Variants in CLTCL1 observed in about 807,000 individuals in gnomAD.
CLTCL1 encodes clathrin heavy chain 2.
A neutral mutation model predicts 190.0 loss-of-function variants in CLTCL1; 159 were observed. That is an observed-to-expected ratio of 0.84 (90% confidence interval 0.74 to 0.95). The LOEUF is 0.95. CLTCL1 is among the 40% of genes least tolerant of loss of function. CLTCL1 has a pLI of 0.00. For synonymous variants in CLTCL1, 752 were observed against 769.6 expected, an observed-to-expected ratio of 0.98 and a Z score of 0.38; for missense variants, 1,878 against 2,033.4, an observed-to-expected ratio of 0.92 and a Z score of 1.47.
At chr22:19,272,944 CTT>C (rs2087371839) in intron 2 of CLTCL1, among the ~76,000 whole-genome samples, 1 of 152,154 alleles carries the variant, frequency 6.6e-6, no homozygotes, top group South Asian at 2.1e-4. Context: ...TGGCCTAGCC[CTT>C]TTTGTAAAGG....
rs781872653 is a variant in CLTCL1 at position 19,183,509 on chromosome 22, G to A, written c.4708C>T (p.Leu1570Phe). 8 of 1,613,694 alleles carry A rather than the reference G, an allele frequency of 5.0e-6. No homozygotes were observed. The African/African-American group carries it at 1.1e-4, about 22-fold the overall frequency. The part of the protein sequence containing the change: ...EGKRECFAAC[L>F]FTCYDLLRPD... ...CGAAGCAGGTCATAGCAGGTGAAGA[G>A]ACAAGCTGCGAAGCACTCCCTCTTG... The change falls in exon 30 of 33, where the codon CTC becomes TTC. Residue 1570 changes from leucine (L) to phenylalanine (F), a missense_variant. Physicochemically the swap from Leu to Phe is conservative, Grantham distance 22 (BLOSUM62 0). Transcript: ENST00000427926.
rs1351989517 is a variant in CLTCL1 at position 19,179,871 on chromosome 22, G to A, written c.*119C>T. ...TGCAGGTAGGGTGGGTGGTGACAACGCCCACTACACGCGGAAGTTGTACAT... is the reference window on the plus strand; with the variant it reads ...TGCAGGTAGGGTGGGTGGTGACAACACCCACTACACGCGGAAGTTGTACAT... On this transcript the variant is annotated 3_prime_UTR_variant, in exon 33 of 33. Coordinates refer to ENST00000427926, the MANE Select transcript of CLTCL1 (RefSeq NM_007098.4). 2.1e-5 allele frequency: 8 copies of A among 375,062 alleles called. No individual in the cohort carries two copies. The highest frequency in any genetic ancestry group is 3.9e-5 in the Non-Finnish European group (8 of 204,106). 23.2% of individuals were successfully genotyped at this position (375,062 alleles called of 1,614,324 possible).
Position 19,233,327 on chromosome 22 carries a change from T to C in CLTCL1, c.1369-9A>G. ...TCCTCTGAGCACTCCAGCTGTGGTA[T>C]GCCAAGGGACAAGGCAAAGTTAGGA... is the stretch of plus-strand genomic sequence containing the variant. On this transcript the variant is annotated splice_polypyrimidine_tract_variant and intron_variant, in intron 8 of 32. Transcript: ENST00000427926. 1 of 1,611,784 alleles carries C rather than the reference T, an allele frequency of 6.2e-7. No homozygotes were observed.
At chr22:19,284,387 G>A (rs1036094337) in intron 1 of CLTCL1, among the ~76,000 whole-genome samples, 9 of 152,112 alleles carry the variant, frequency 5.9e-5, no homozygotes, top group Admixed American at 4.6e-4. Context: ...AGGGCCTGGC[G>A]TGGCTGCTCA....
At position 19,275,632 on chromosome 22, in the gene CLTCL1, C is replaced by T. The variant is rs782537737; in HGVS notation, c.241G>A (p.Ala81Thr). ...AIMNPASKVI[A>T]LKAGKTLQIF... ...ATCCCATCGGGTTTACCTTTCAGAG[C>T]TATCACCTTAGAGGCTGGATTCATG... Residue 81 changes from alanine to threonine, a missense_variant, in exon 2 of 33, where the codon GCT (alanine) becomes ACT (threonine). Physicochemically the swap from Ala to Thr is moderately conservative, Grantham distance 58. Coordinates refer to ENST00000427926, the MANE Select transcript of CLTCL1 (RefSeq NM_007098.4). 2 of 1,602,266 alleles carry T rather than the reference C, an allele frequency of 1.2e-6. No individual in the cohort carries two copies. Among genetic ancestry groups the T allele is most frequent in the South Asian group, 2.3e-5 (2 of 88,850 alleles).
intron 18 of CLTCL1, among the ~76,000 whole-genome samples, chr22:19,216,500 T>A (rs2085389872): frequency 2.0e-5 from 3 of 152,272 alleles, no homozygotes; most frequent in South Asian, 4.1e-4. Context: ...TCAGCTCCAA[T>A]GACCAGTGCA....
chr22:19,269,860 T>C (rs951685568), intron 2 of CLTCL1, among the ~76,000 whole-genome samples: 6 of 151,276 alleles, frequency 4.0e-5, no homozygotes, highest in African/African-American at 9.7e-5. Context: ...GATGGGTTGA[T>C]AGGGGAAGCA....
At chr22:19,225,886 G>C (rs1325599215) in intron 12 of CLTCL1, among the ~76,000 whole-genome samples, 1 of 152,218 alleles carries the variant, frequency 6.6e-6, no homozygotes, top group African/African-American at 2.4e-5. Flanking sequence ...CCATAAATTG[G>C]AACACAATAG....
At chr22:19,244,035 A>G (rs1435211138) in intron 3 of CLTCL1, among the ~76,000 whole-genome samples, 6 of 152,166 alleles carry the variant, frequency 3.9e-5, no homozygotes, top group African/African-American at 1.2e-4. Flanking sequence ...CAGTACATTT[A>G]TATCCAATGT....
At chr22:19,222,850 A>C (rs2085618798) in intron 14 of CLTCL1, 41 bp from the exon 15 acceptor site, 1 of 1,572,150 alleles carries the variant, frequency 6.4e-7, no homozygotes. Flanking sequence ...GGAGTGGAGA[A>C]ACCAGACAGC....
chr22:19,263,033 A>T (rs1601685832), intron 2 of CLTCL1, among the ~76,000 whole-genome samples: 1 of 143,940 alleles, frequency 6.9e-6, no homozygotes. Context: ...TCCATCTTTA[A>T]AAAAAAAAAA....
intron 2 of CLTCL1, among the ~76,000 whole-genome samples, chr22:19,266,659 G>A (rs1426160163): frequency 6.6e-6 from 1 of 152,046 alleles, no homozygotes; most frequent in African/African-American, 2.4e-5. Flanking sequence ...AAAACCCTTA[G>A]AATATTAGTG....
intron 19 of CLTCL1, 84 bp downstream of exon 19, chr22:19,216,027 G>C: frequency 7.4e-7 from 1 of 1,344,538 alleles, no homozygotes; most frequent in Non-Finnish European, 1.0e-6. Context: ...TGGGTGAAGC[G>C]GTACGAGATT....
rs1555939567 is a variant in CLTCL1 at position 19,201,508 on chromosome 22, G to A, written c.3601-15C>T. 2 of 1,603,042 alleles carry A rather than the reference G, an allele frequency of 1.2e-6. No individual in the cohort carries two copies. The highest frequency in any genetic ancestry group is 2.2e-5 in the South Asian group (2 of 90,748). On this transcript the variant is annotated splice_polypyrimidine_tract_variant and intron_variant, in intron 22 of 32. Transcript: ENST00000427926. The stretch of plus-strand genomic sequence containing the variant: ...CGGTCTCCAACCTACGGATAATAGG[G>A]TAGCTCGACTGAGACACTCTTCAAT...
At chr22:19,250,532 G>A (rs1279005800) in intron 3 of CLTCL1, among the ~76,000 whole-genome samples, 3 of 145,160 alleles carry the variant, frequency 2.1e-5, no homozygotes, top group Non-Finnish European at 4.5e-5. Context: ...TCTCAAGTTA[G>A]TACCACATTC....
In CLTCL1 at chr22:19,180,746, C is replaced by T. The variant is rs1555925451; in HGVS notation, c.4888G>A (p.Ala1630Thr). The T allele has an allele frequency of 6.2e-7, 1 of 1,613,744 alleles. No homozygotes were observed. The highest frequency in any genetic ancestry group is 2.2e-5 in the East Asian group (1 of 44,886). ...RKQEEHVTEPAPLVFDFDGHE is the reference protein window; with the variant it reads ...RKQEEHVTEPTPLVFDFDGHE ...TGCCACCTACCAAACACGAGAGGGG[C>T]AGGCTCTGTCACATGCTCCTCTTGC... The change falls in exon 31 of 33, where the codon GCC (alanine) becomes ACC (threonine). Residue 1630 changes from alanine (A) to threonine (T), a missense_variant. Transcript: ENST00000427926.
At chr22:19,185,323 TTTC>T (rs1175460839) in intron 29 of CLTCL1, among the ~76,000 whole-genome samples, 18 of 119,968 alleles carry the variant, frequency 1.5e-4, no homozygotes, top group African/African-American at 4.8e-4. Flanking sequence ...GCTCGGCCAC[TTTC>T]TTTTTTTTTT....
chr22:19,274,172 TACA>T (rs781957253), intron 2 of CLTCL1, among the ~76,000 whole-genome samples: 141 of 152,182 alleles, frequency 9.3e-4, no homozygotes, highest in African/African-American at 3.1e-3. Flanking sequence ...TCAAAAGTAC[TACA>T]ACAAGGCTGG....
chr22:19,272,157 C>T (rs1555980996), intron 2 of CLTCL1, among the ~76,000 whole-genome samples: 2 of 152,096 alleles, frequency 1.3e-5, no homozygotes, highest in African/African-American at 4.8e-5. Context: ...AAAAGCAGAC[C>T]GTTTGCCAAT....
Sources: allele counts gnomAD v4.1 joint callset (sites outside exome capture counted in the v4.1 genomes callset), GRCh38; gene constraint gnomAD v4.1.1; transcripts MANE v1.5; gene names NCBI Gene and HGNC (gene_info 2026-07-23, HGNC 2026-07-21).